Variants in PDZRN3 observed in about 807,000 individuals in gnomAD.
The protein encoded by PDZRN3 is E3 ubiquitin-protein ligase PDZRN3.
PDZRN3 carries 38 observed loss-of-function variants against 85.7 expected under a neutral mutation model. That is an observed-to-expected ratio of 0.44 (90% confidence interval 0.34 to 0.58). PDZRN3 has a LOEUF of 0.58. PDZRN3 is among the 20% of genes least tolerant of loss of function. The pLI is 0.01. For synonymous variants in PDZRN3, 759 were observed against 638.0 expected (o/e 1.19, Z -2.86); for missense variants, 1,629 against 1,506.4 (o/e 1.08, Z -1.35).
chr3:73,567,290 T>C (rs1378702023), intron 3 of PDZRN3, among the ~76,000 whole-genome samples: 1 of 152,176 alleles, frequency 6.6e-6, no homozygotes, highest in African/African-American at 2.4e-5. Context: ...TTGCATATGT[T>C]GGACTCTACA....
chr3:73,447,684 C>T (rs988964220), intron 3 of PDZRN3, among the ~76,000 whole-genome samples: 5 of 152,196 alleles, frequency 3.3e-5, no homozygotes, highest in Admixed American at 6.5e-5. Flanking sequence ...AGATTTACCT[C>T]CACTGGCTTT....
chr3:73,617,956 T>C (rs1402062661), intron 1 of PDZRN3, among the ~76,000 whole-genome samples: 1 of 152,252 alleles, frequency 6.6e-6, no homozygotes, highest in African/African-American at 2.4e-5. Flanking sequence ...TCTTTCCGGC[T>C]AGGCCTCCCA....
chr3:73,472,779 A>G (rs1454532158), intron 3 of PDZRN3, among the ~76,000 whole-genome samples: 1 of 152,242 alleles, frequency 6.6e-6, no homozygotes, highest in Non-Finnish European at 1.5e-5. Context: ...AATTATGGGT[A>G]GCTGGTATCG....
intron 3 of PDZRN3, among the ~76,000 whole-genome samples, chr3:73,527,157 T>A (rs1559722878): frequency 6.6e-6 from 1 of 152,162 alleles, no homozygotes; most frequent in Non-Finnish European, 1.5e-5. Flanking sequence ...GTTTTTACCT[T>A]CTGTGAAATG....
chr3:73,421,673 G>C (rs1260537790), intron 3 of PDZRN3, among the ~76,000 whole-genome samples: 2 of 152,140 alleles, frequency 1.3e-5, no homozygotes, highest in Admixed American at 6.5e-5. Flanking sequence ...TTTTGAGACA[G>C]AGTCTTGCTC....
intron 3 of PDZRN3, among the ~76,000 whole-genome samples, chr3:73,587,966 C>CGTTATTA (rs1386156187): frequency 1.3e-5 from 2 of 152,148 alleles, no homozygotes; most frequent in Admixed American, 1.3e-4. Context: ...AAATTTATTT[C>CGTTATTA]TTCTAAAAAC....
rs1325070005 is a variant in PDZRN3, at chr3:73,445,955, G to A, written c.919-41560C>T. Reference sequence around the variant, plus strand: ...TTGCTGAAGCGAAACAGTAATATCAGAGAGATACAAAGGTGTAAAACCCAT... The same window carrying A: ...TTGCTGAAGCGAAACAGTAATATCAAAGAGATACAAAGGTGTAAAACCCAT... On this transcript the variant is annotated intron_variant, in intron 3 of 9. Transcript: ENST00000263666. Among the ~76,000 whole-genome samples the A allele has an allele frequency of 3.3e-5, 5 of 152,340 alleles. No individual in the cohort carries two copies. The South Asian group carries it at 1.0e-3, about 32-fold the overall frequency.
chr3:73,589,855 A>C (rs992975743), intron 3 of PDZRN3, among the ~76,000 whole-genome samples: 2 of 152,198 alleles, frequency 1.3e-5, no homozygotes, highest in African/African-American at 4.8e-5. Flanking sequence ...GAAGCCAACA[A>C]AGTGCTTGTG....
intron 5 of PDZRN3, among the ~76,000 whole-genome samples, chr3:73,398,538 A>G (rs1701686581): frequency 6.6e-6 from 1 of 152,182 alleles, no homozygotes; most frequent in Non-Finnish European, 1.5e-5. Context: ...TTGACCAGCC[A>G]GGCTGCTGGT....
At chr3:73,455,098 A>T (rs2106851557) in intron 3 of PDZRN3, among the ~76,000 whole-genome samples, 1 of 152,280 alleles carries the variant, frequency 6.6e-6, no homozygotes, top group East Asian at 1.9e-4. Flanking sequence ...TTTTCACAGT[A>T]AGTTTTTATT....
chr3:73,407,190 TTAAACTAGGAC>T (rs1217428938), intron 3 of PDZRN3, among the ~76,000 whole-genome samples: 2 of 152,212 alleles, frequency 1.3e-5, no homozygotes, highest in African/African-American at 4.8e-5. Flanking sequence ...TTGTCCATCC[TTAAACTAGGAC>T]TAAACTAGGA....
intron 3 of PDZRN3, among the ~76,000 whole-genome samples, chr3:73,541,679 C>T (rs1038216482): frequency 6.6e-6 from 1 of 152,168 alleles, no homozygotes; most frequent in Non-Finnish European, 1.5e-5. Context: ...TTTTGAATAA[C>T]TATTAGCAAA....
intron 3 of PDZRN3, among the ~76,000 whole-genome samples, chr3:73,432,980 T>C (rs139149590): frequency 6.6e-6 from 1 of 152,260 alleles, no homozygotes; most frequent in Non-Finnish European, 1.5e-5. Context: ...ATTATCTGGG[T>C]TGTATCGTAA....
At position 73,388,568 on chromosome 3, in the gene PDZRN3, C is replaced by G. The variant is rs201194922; in HGVS notation, c.1417-499G>C. 3.9e-5 allele frequency among the ~76,000 whole-genome samples: 6 copies of G among 152,274 alleles called. No homozygotes were observed. The East Asian group carries it at 1.2e-3, about 29-fold the overall frequency. On this transcript the variant is annotated intron_variant, in intron 7 of 9. Coordinates refer to ENST00000263666, the MANE Select transcript of PDZRN3 (RefSeq NM_015009.3). ...GGCGGAGGGTCAAGTGGGCGTGACA[C>G]TCTCACTATCACACTTGATTAACCC...
chr3:73,568,904 A>G (rs1281997764), intron 3 of PDZRN3, among the ~76,000 whole-genome samples: 1 of 152,242 alleles, frequency 6.6e-6, no homozygotes, highest in Admixed American at 6.5e-5. Flanking sequence ...CACGGAAGCC[A>G]GACCTACAGT....
At chr3:73,586,609 C>T (rs916581126) in intron 3 of PDZRN3, among the ~76,000 whole-genome samples, 3 of 152,174 alleles carry the variant, frequency 2.0e-5, no homozygotes, top group African/African-American at 7.2e-5. Context: ...CTCACAGGGA[C>T]ACTTCACCGG....
intron 3 of PDZRN3, among the ~76,000 whole-genome samples, chr3:73,440,963 A>G (rs1176478636): frequency 1.3e-5 from 2 of 152,248 alleles, no homozygotes; most frequent in African/African-American, 4.8e-5. Flanking sequence ...CCAAAGGAAC[A>G]GTCACAAACC....
chr3:73,462,561 AAG>A (rs1703129784), intron 3 of PDZRN3, among the ~76,000 whole-genome samples: 4 of 151,570 alleles, frequency 2.6e-5, no homozygotes, highest in Non-Finnish European at 5.9e-5. Context: ...AAAAAAAAAA[AAG>A]AACTTGATTC....
rs186337283 is a variant in PDZRN3 at position 73,456,885 on chromosome 3, G to A, written c.919-52490C>T. ...ATAAAGAACTTGATTTCTGTGCTAC[G>A]AATTTCTTCTGCTGATTTTTGAGAG... On this transcript the variant is annotated intron_variant, in intron 3 of 9. Transcript: ENST00000263666. 6.8e-4 allele frequency among the ~76,000 whole-genome samples: 104 copies of A among 151,932 alleles called. 1 individual carries two copies. Among genetic ancestry groups the A allele is most frequent in the African/African-American group, 2.4e-3 (98 of 41,436 alleles).
Sources: gnomAD v4.1 joint callset for allele counts (sites outside exome capture counted in the v4.1 genomes callset) on GRCh38, gnomAD v4.1.1 for gene constraint, MANE v1.5 for transcripts, NCBI Gene and HGNC (gene_info 2026-07-23, HGNC 2026-07-21) for gene names.